SUGCT: variants seen among roughly 807,000 people sequenced by gnomAD.
SUGCT encodes succinyl-CoA:glutarate CoA-transferase.
Under a neutral mutation model 55.0 loss-of-function variants are expected in SUGCT, and 41 were observed. The observed-to-expected ratio is 0.74, with a 90% confidence interval of 0.58 to 0.97. SUGCT has a LOEUF of 0.97. Ranked by LOEUF, SUGCT falls within the 50% of genes least tolerant of loss-of-function variation. SUGCT has a pLI of 0.00. For missense variants in SUGCT, 568 were observed against 547.8 expected (o/e 1.04, Z -0.37); for synonymous variants, 187 against 200.4 (o/e 0.93, Z 0.56).
chr7:40,892,299 A>G, the SUGCT span, among the ~76,000 whole-genome samples: 5 of 152,316 alleles, frequency 3.3e-5, no homozygotes, highest in East Asian at 9.7e-4. Flanking sequence ...TTTTATAGCT[A>G]TAAGATGTTT....
the SUGCT span, among the ~76,000 whole-genome samples, chr7:40,964,313 G>T: frequency 6.6e-6 from 1 of 152,192 alleles, no homozygotes; most frequent in Non-Finnish European, 1.5e-5. Flanking sequence ...AAAGGAACTT[G>T]CTGAAATTTA....
intron 9 of SUGCT, among the ~76,000 whole-genome samples, chr7:40,348,632 A>G (rs920643108): frequency 6.6e-6 from 1 of 152,058 alleles, no homozygotes; most frequent in Non-Finnish European, 1.5e-5. Flanking sequence ...AGGCATCTTT[A>G]TTTTAGGTCT....
chr7:40,880,116 G>A, the SUGCT span, among the ~76,000 whole-genome samples: 1 of 152,214 alleles, frequency 6.6e-6, no homozygotes, highest in Non-Finnish European at 1.5e-5. Context: ...ATCGTTTGGA[G>A]AAACTAGGAT....
intron 12 of SUGCT, among the ~76,000 whole-genome samples, chr7:40,505,308 C>A (rs906040436): frequency 2.3e-4 from 35 of 151,898 alleles, no homozygotes; most frequent in African/African-American, 8.2e-4. Flanking sequence ...TTAATTCAAT[C>A]TGAAAATATC....
At chr7:40,958,536 C>T in the SUGCT span, among the ~76,000 whole-genome samples, 14 of 151,840 alleles carry the variant, frequency 9.2e-5, no homozygotes, top group African/African-American at 3.4e-4. Flanking sequence ...CTTCTCTAAA[C>T]TGGTTATTCT....
At chr7:40,825,072 G>A (rs1792248418) in intron 13 of SUGCT, among the ~76,000 whole-genome samples, 1 of 152,188 alleles carries the variant, frequency 6.6e-6, no homozygotes, top group Non-Finnish European at 1.5e-5. Flanking sequence ...CAGGGTTAGT[G>A]TAAAGGGGGA....
At chr7:40,949,817 T>A in the SUGCT span, among the ~76,000 whole-genome samples, 1 of 152,206 alleles carries the variant, frequency 6.6e-6, no homozygotes, top group African/African-American at 2.4e-5. Flanking sequence ...GGTCTATATC[T>A]CTGTTTTGGT....
At chr7:40,531,823 G>T (rs1457322464) in intron 12 of SUGCT, among the ~76,000 whole-genome samples, 1 of 152,002 alleles carries the variant, frequency 6.6e-6, no homozygotes, top group African/African-American at 2.4e-5. Flanking sequence ...ACAGGCGCCC[G>T]CCACTACGCC....
the SUGCT span, among the ~76,000 whole-genome samples, chr7:40,933,913 C>T: frequency 2.0e-5 from 3 of 152,030 alleles, no homozygotes; most frequent in African/African-American, 2.4e-5. Flanking sequence ...TTGTTATTAC[C>T]GACCTTCCGA....
chr7:40,951,211 T>C, the SUGCT span, among the ~76,000 whole-genome samples: 2 of 152,352 alleles, frequency 1.3e-5, no homozygotes, highest in Middle Eastern at 3.4e-3. Context: ...TCGAGGAATT[T>C]ATCCATTTCT....
At chr7:40,748,695 C>G (rs1787862484) in intron 12 of SUGCT, among the ~76,000 whole-genome samples, 1 of 151,676 alleles carries the variant, frequency 6.6e-6, no homozygotes, top group Admixed American at 6.6e-5. Flanking sequence ...AATTTCCTGC[C>G]TCACCATTGC....
rs77065758 is a variant in SUGCT, at chr7:40,170,099, G to A, written c.101-10848G>A. Among the ~76,000 whole-genome samples, 689 of 152,132 alleles carry A rather than the reference G, an allele frequency of 4.5e-3. 14 individuals carry two copies. The East Asian group carries it at 0.065, about 14-fold the overall frequency. ...GCATGCAAGTTAGCAAATGTCTGTG[G>A]CACCAATCTCCATGTTCTGATTCTG... On this transcript the variant is annotated intron_variant, in intron 1 of 13. Coordinates refer to ENST00000335693, the MANE Select transcript of SUGCT (RefSeq NM_001193313.2).
At chr7:40,283,987 C>A (rs901436639) in intron 8 of SUGCT, among the ~76,000 whole-genome samples, 3 of 152,066 alleles carry the variant, frequency 2.0e-5, no homozygotes, top group African/African-American at 7.2e-5. Context: ...TGAAGAAAAT[C>A]CTGTCATTTG....
intron 12 of SUGCT, among the ~76,000 whole-genome samples, chr7:40,640,961 G>A (rs904821045): frequency 6.6e-6 from 1 of 152,228 alleles, no homozygotes; most frequent in Non-Finnish European, 1.5e-5. Context: ...AAAACTATCA[G>A]GACATTTTGG....
At chr7:40,886,446 T>C in the SUGCT span, among the ~76,000 whole-genome samples, 1 of 152,146 alleles carries the variant, frequency 6.6e-6, no homozygotes, top group Non-Finnish European at 1.5e-5. Flanking sequence ...GACATTCAGA[T>C]TGGGACTTGA....
In SUGCT at chr7:40,659,911, T is replaced by G. The variant is rs1209995726; in HGVS notation, c.1090-89523T>G. On this transcript the variant is annotated intron_variant, in intron 12 of 13. Coordinates refer to ENST00000335693, the MANE Select transcript of SUGCT (RefSeq NM_001193313.2). The stretch of plus-strand genomic sequence containing the variant: ...CAACAACTCATTTCTCTTCTCTTCT[T>G]GTTCCTCTCCTTATTAAACTAGAGA... Among the ~76,000 whole-genome samples, 6 of 152,170 alleles carry G rather than the reference T, an allele frequency of 3.9e-5. No individual in the cohort carries two copies. In the East Asian group the frequency reaches 1.2e-3, roughly 29 times the overall value.
intron 9 of SUGCT, among the ~76,000 whole-genome samples, chr7:40,360,925 G>T (rs536090874): frequency 9.9e-5 from 15 of 152,254 alleles, no homozygotes; most frequent in African/African-American, 3.6e-4. Flanking sequence ...AGTACTCTAG[G>T]TGCAAGGAAA....
intron 12 of SUGCT, among the ~76,000 whole-genome samples, chr7:40,729,929 T>A (rs922311458): frequency 3.3e-5 from 5 of 152,166 alleles, no homozygotes; most frequent in African/African-American, 1.2e-4. Context: ...AATCTCCAAA[T>A]TTTCAATCTT....
rs137852862 is a variant in SUGCT, at chr7:40,188,569, C to A, written c.301C>A (p.Arg101=). 1.3e-6 allele frequency: 2 copies of A among 1,598,362 alleles called. No individual in the cohort carries two copies. The highest frequency in any genetic ancestry group is 2.3e-5 in the East Asian group (1 of 44,228). The change falls in exon 4 of 14, where the codon CGA becomes AGA. Residue 101 remains arginine, a synonymous_variant. Coordinates refer to ENST00000335693, the MANE Select transcript of SUGCT (RefSeq NM_001193313.2). ...AAGTACATATTATCTCAGTGTTAAC[C>A]GAAATAAAAAAGTAAGAATATCATC... ...TESTYYLSVN[R]NKKSIAVNIK... is the part of the protein sequence containing the mutation.
Sources: allele counts gnomAD v4.1 joint callset (sites outside exome capture counted in the v4.1 genomes callset), GRCh38; gene constraint gnomAD v4.1.1; transcripts MANE v1.5; gene names NCBI Gene and HGNC (gene_info 2026-07-23, HGNC 2026-07-21).